The following CNTN5 variants were observed in gnomAD, a reference collection of about 807,000 sequenced individuals.
CNTN5 encodes the protein contactin-5.
A neutral mutation model predicts 129.1 loss-of-function variants in CNTN5; 77 were observed. The ratio of observed to expected loss-of-function variants is 0.60; its 90% CI spans 0.50 to 0.72. The LOEUF is 0.72. Among genes scored for constraint, CNTN5 ranks in the 30% least tolerant of loss-of-function variants. CNTN5 has a pLI of 0.00. For synonymous variants in CNTN5, 509 were observed against 465.6 expected (o/e 1.09, Z -1.20); for missense variants, 1,478 against 1,328.8 (o/e 1.11, Z -1.75).
intron 6 of CNTN5, among the ~76,000 whole-genome samples, chr11:99,884,133 T>A (rs1012299770): frequency 3.9e-5 from 6 of 152,164 alleles, no homozygotes; most frequent in African/African-American, 9.7e-5. Context: ...ATCCTGAATC[T>A]ATATTCAGAA....
At chr11:99,612,959 A>T (rs2135735813) in intron 3 of CNTN5, among the ~76,000 whole-genome samples, 1 of 152,276 alleles carries the variant, frequency 6.6e-6, no homozygotes, top group South Asian at 2.1e-4. Flanking sequence ...GAGGTTAGAA[A>T]GCCAATGCAA....
chr11:99,421,666 A>G (rs1942894368), intron 2 of CNTN5, among the ~76,000 whole-genome samples: 1 of 152,172 alleles, frequency 6.6e-6, no homozygotes, highest in Non-Finnish European at 1.5e-5. Context: ...ATGTTTCAAA[A>G]TATTATGAGC....
chr11:100,285,929 C>T (rs548318302), intron 18 of CNTN5, among the ~76,000 whole-genome samples: 90 of 152,322 alleles, frequency 5.9e-4, no homozygotes, highest in African/African-American at 1.2e-3. Context: ...CAGGGCGAGG[C>T]GTTGCCTCAC....
intron 8 of CNTN5, among the ~76,000 whole-genome samples, chr11:99,976,946 G>A (rs1938014703): frequency 6.6e-6 from 1 of 152,108 alleles, no homozygotes; most frequent in Non-Finnish European, 1.5e-5. Context: ...TTTATTTTCT[G>A]CTTTCCTTTT....
chr11:99,927,535 G>A (rs1950090443), intron 7 of CNTN5, among the ~76,000 whole-genome samples: 1 of 152,214 alleles, frequency 6.6e-6, no homozygotes, highest in African/African-American at 2.4e-5. Context: ...TGGCAAAAGG[G>A]AAAGCAAATA....
intron 2 of CNTN5, among the ~76,000 whole-genome samples, chr11:99,414,471 T>A (rs1942551013): frequency 6.6e-6 from 1 of 151,832 alleles, no homozygotes; most frequent in Non-Finnish European, 1.5e-5. Context: ...ATGCAGAATA[T>A]ATATAGAATA....
intron 18 of CNTN5, among the ~76,000 whole-genome samples, chr11:100,285,161 GTTATTACT>G (rs1426724639): frequency 1.3e-5 from 2 of 152,176 alleles, no homozygotes; most frequent in Non-Finnish European, 2.9e-5. Flanking sequence ...ATTTAAATGA[GTTATTACT>G]TTATTAAATG....
intron 17 of CNTN5, among the ~76,000 whole-genome samples, chr11:100,259,406 G>A (rs1472396310): frequency 6.6e-6 from 1 of 151,972 alleles, no homozygotes; most frequent in African/African-American, 2.4e-5. Context: ...GAATTAACAA[G>A]GATATTCAGG....
chr11:100,167,524 C>T (rs1209078041), intron 13 of CNTN5, among the ~76,000 whole-genome samples: 1 of 151,786 alleles, frequency 6.6e-6, no homozygotes, highest in Admixed American at 6.6e-5. Context: ...CCTATTTGAG[C>T]TTTTAATATA....
At chr11:100,294,846 G>C (rs1363306091) in intron 18 of CNTN5, among the ~76,000 whole-genome samples, 3 of 151,482 alleles carry the variant, frequency 2.0e-5, no homozygotes, top group Non-Finnish European at 4.4e-5. Context: ...AAAACCAGTG[G>C]ACTCCATCAG....
intron 1 of CNTN5, 60 bp downstream of exon 1, chr11:99,021,330 C>T (rs1162245934): frequency 6.6e-6 from 1 of 152,176 alleles, no homozygotes; most frequent in Non-Finnish European, 1.5e-5. Context: ...CTTCATCTCC[C>T]AGCCACTTAG....
At chr11:100,163,396 A>C (rs186449211) in intron 13 of CNTN5, among the ~76,000 whole-genome samples, 62 of 151,930 alleles carry the variant, frequency 4.1e-4, no homozygotes, top group Non-Finnish European at 6.5e-4. Flanking sequence ...TGGTCTAATG[A>C]ATGTTTTGTA....
chr11:99,033,589 G>C (rs1442562403), intron 1 of CNTN5, among the ~76,000 whole-genome samples: 1 of 151,822 alleles, frequency 6.6e-6, no homozygotes, highest in Non-Finnish European at 1.5e-5. Context: ...TGGTGTATAA[G>C]AATGCTTGTG....
At chr11:99,798,157 T>A (rs1946006392) in intron 3 of CNTN5, among the ~76,000 whole-genome samples, 1 of 152,006 alleles carries the variant, frequency 6.6e-6, no homozygotes, top group Non-Finnish European at 1.5e-5. Flanking sequence ...TCCCTCAATG[T>A]GTCCATGTGT....
At chr11:99,759,337 T>C (rs1032145978) in intron 3 of CNTN5, among the ~76,000 whole-genome samples, 2 of 152,050 alleles carry the variant, frequency 1.3e-5, no homozygotes, top group African/African-American at 2.4e-5. Flanking sequence ...ACAGTACTTA[T>C]TTTCAGCCAT....
intron 1 of CNTN5, among the ~76,000 whole-genome samples, chr11:99,255,350 C>A (rs1460346339): frequency 6.6e-6 from 1 of 151,336 alleles, no homozygotes; most frequent in East Asian, 1.9e-4. Context: ...GGGTGAACAA[C>A]AATAAAAGTT....
At chr11:99,992,649 C>T (rs1412859705) in intron 8 of CNTN5, among the ~76,000 whole-genome samples, 1 of 152,092 alleles carries the variant, frequency 6.6e-6, no homozygotes, top group Admixed American at 6.6e-5. Context: ...ATAAGTTGTC[C>T]AGGTTTTTCT....
intron 3 of CNTN5, among the ~76,000 whole-genome samples, chr11:99,590,755 G>C (rs1175280137): frequency 1.3e-5 from 2 of 152,196 alleles, no homozygotes; most frequent in African/African-American, 4.8e-5. Context: ...GGGAACAATG[G>C]TTTGAGATGA....
intron 2 of CNTN5, among the ~76,000 whole-genome samples, chr11:99,404,355 G>C (rs565121839): frequency 6.6e-6 from 1 of 150,788 alleles, no homozygotes; most frequent in Admixed American, 6.6e-5. Context: ...TGTTAATTTT[G>C]ATAGGTAGGT....
Sources: allele counts gnomAD v4.1 joint callset (sites outside exome capture counted in the v4.1 genomes callset), GRCh38; gene constraint gnomAD v4.1.1; transcripts MANE v1.5; gene names NCBI Gene and HGNC (gene_info 2026-07-23, HGNC 2026-07-21).